RNF217: variants seen among roughly 807,000 people sequenced by gnomAD.
The protein encoded by RNF217 is E3 ubiquitin-protein ligase RNF217.
Under a neutral mutation model 57.8 loss-of-function variants are expected in RNF217, and 31 were observed. The ratio of observed to expected loss-of-function variants is 0.54; its 90% CI spans 0.40 to 0.72. The LOEUF (loss-of-function observed/expected upper bound fraction) is 0.72, where lower values mean the gene tolerates loss of function less well. Among genes scored for constraint, RNF217 ranks in the 30% least tolerant of loss-of-function variants. The pLI, the probability that RNF217 is intolerant of heterozygous loss-of-function variation, is 0.00. For missense variants in RNF217, 696 were observed against 708.3 expected, an observed-to-expected ratio of 0.98 and a Z score of 0.20; for synonymous variants, 313 against 294.0, an observed-to-expected ratio of 1.06 and a Z score of -0.66.
At chr6:124,972,899 T>C (rs1487809295) in intron 1 of RNF217, among the ~76,000 whole-genome samples, 1 of 152,324 alleles carries the variant, frequency 6.6e-6, no homozygotes, top group South Asian at 2.1e-4. Context: ...ATTTAAATTG[T>C]CTGTTTCCTG....
chr6:125,086,585 G>T lies in RNF217; in HGVS notation c.*3648G>T, dbSNP rs780900629. 8 of 152,042 alleles carry T rather than the reference G, an allele frequency of 5.3e-5. No homozygotes were observed. Among genetic ancestry groups the T allele is most frequent in the Non-Finnish European group, 1.2e-4 (8 of 67,976 alleles). The allele number at this position is 152,042 out of a possible 1,614,324, so 9.4% of individuals were successfully genotyped here. Reference sequence around the variant, plus strand: ...TTCCCAGAAAAATACATTAGATTATGTACGATTTAGTGATTTGGTGGGATA... The same window carrying T: ...TTCCCAGAAAAATACATTAGATTATTTACGATTTAGTGATTTGGTGGGATA... On this transcript the variant is annotated 3_prime_UTR_variant, in exon 6 of 6. Coordinates refer to ENST00000521654, the MANE Select transcript of RNF217 (RefSeq NM_001286398.3).
chr6:124,977,059 G>A (rs1464697243), intron 1 of RNF217, among the ~76,000 whole-genome samples: 1 of 152,052 alleles, frequency 6.6e-6, no homozygotes, highest in Non-Finnish European at 1.5e-5. Flanking sequence ...AAAATCACTA[G>A]TATATCTACA....
intron 5 of RNF217, chr6:125,082,438 G>A (rs1295292210): frequency 4.4e-6 from 7 of 1,597,262 alleles, no homozygotes; most frequent in Non-Finnish European, 5.1e-6. Context: ...ATTATTATCT[G>A]TATTATACAG....
intron 1 of RNF217, among the ~76,000 whole-genome samples, chr6:125,011,255 T>C (rs748571143): frequency 6.6e-6 from 1 of 152,172 alleles, no homozygotes; most frequent in Non-Finnish European, 1.5e-5. Context: ...TTACATGTAA[T>C]TGGCTCTCAC....
chr6:125,062,001 T>C (rs952261744), intron 3 of RNF217, among the ~76,000 whole-genome samples: 19 of 152,060 alleles, frequency 1.2e-4, no homozygotes, highest in African/African-American at 4.6e-4. Flanking sequence ...CCCTCATCAA[T>C]TGATTTGTAA....
intron 3 of RNF217, 80 bp from the exon 4 acceptor site, chr6:125,076,577 T>G (rs1788381921): frequency 2.3e-6 from 2 of 858,204 alleles, no homozygotes; most frequent in African/African-American, 3.3e-5. Flanking sequence ...CTGGTAAGTG[T>G]TGTTTCATAA....
At chr6:125,058,160 A>G (rs755703493) in intron 3 of RNF217, 54 bp downstream of exon 3, 188 of 1,460,520 alleles carry the variant, frequency 1.3e-4, no homozygotes, top group Non-Finnish European at 1.7e-4. Context: ...GATGTGACTG[A>G]ACAATATTTA....
chr6:124,999,865 A>G (rs1438864809), intron 1 of RNF217, among the ~76,000 whole-genome samples: 1 of 152,158 alleles, frequency 6.6e-6, no homozygotes, highest in Non-Finnish European at 1.5e-5. Context: ...CAGCTATTAA[A>G]CTATTAAATA....
At chr6:125,048,405 A>T (rs1787177249) in intron 2 of RNF217, 1 of 547,276 alleles carries the variant, frequency 1.8e-6, no homozygotes, top group South Asian at 1.9e-5. Flanking sequence ...GAGGCAACAG[A>T]AATAGAAAAA....
chr6:124,987,846 A>G (rs1784414651), intron 1 of RNF217, among the ~76,000 whole-genome samples: 1 of 152,302 alleles, frequency 6.6e-6, no homozygotes, highest in South Asian at 2.1e-4. Flanking sequence ...TAGTTGTTAC[A>G]ATGATTTTAC....
At chr6:125,067,797 T>A (rs193255750) in intron 3 of RNF217, among the ~76,000 whole-genome samples, 41 of 152,196 alleles carry the variant, frequency 2.7e-4, no homozygotes, top group Non-Finnish European at 2.9e-5. Flanking sequence ...TTTGTTGGAA[T>A]AAAGTTGAAA....
chr6:125,079,012 T>C (rs1283721905), intron 4 of RNF217, among the ~76,000 whole-genome samples: 1 of 152,162 alleles, frequency 6.6e-6, no homozygotes, highest in Admixed American at 6.5e-5. Flanking sequence ...GTGACACAAC[T>C]TGCTCCCTCA....
intron 1 of RNF217, among the ~76,000 whole-genome samples, chr6:124,995,719 C>T (rs1360979383): frequency 3.3e-5 from 5 of 151,936 alleles, no homozygotes; most frequent in Non-Finnish European, 5.9e-5. Context: ...GTCAGGAGTT[C>T]GAGACCAGCC....
At chr6:125,007,197 G>T (rs1785217557) in intron 1 of RNF217, among the ~76,000 whole-genome samples, 1 of 151,224 alleles carries the variant, frequency 6.6e-6, no homozygotes, top group South Asian at 2.1e-4. Context: ...ATTTTTTCAT[G>T]CAGCCTTCTT....
intron 1 of RNF217, among the ~76,000 whole-genome samples, chr6:125,038,747 T>C (rs1429388999): frequency 1.3e-5 from 2 of 152,172 alleles, no homozygotes; most frequent in African/African-American, 4.8e-5. Context: ...TTAATTCACT[T>C]TATACTATGG....
In RNF217 at chr6:125,019,835, G is replaced by C. The variant is rs562996360; in HGVS notation, c.883-25376G>C. Among the ~76,000 whole-genome samples the C allele has an allele frequency of 2.7e-4, 41 of 150,500 alleles. 2 individuals are homozygous for C. Among genetic ancestry groups the C allele is most frequent in the African/African-American group, 5.4e-4 (22 of 40,898 alleles). Reference sequence around the variant, plus strand: ...GCTTGATGTCCCCTTTTTTGCAGTGGGGGGGGAGTGAAAAAATCCTTTATT... The same window carrying C: ...GCTTGATGTCCCCTTTTTTGCAGTGCGGGGGGAGTGAAAAAATCCTTTATT... On this transcript the variant is annotated intron_variant, in intron 1 of 5. Transcript: ENST00000521654.
At chr6:125,051,938 C>A (rs1787334937) in intron 2 of RNF217, among the ~76,000 whole-genome samples, 1 of 152,022 alleles carries the variant, frequency 6.6e-6, no homozygotes, top group Admixed American at 6.6e-5. Context: ...AAGAAATAGA[C>A]CCAGACAAAT....
Position 125,062,488 on chromosome 6 carries a change from T to C in RNF217, c.1281+4382T>C, listed in dbSNP as rs541042666. ...ACATATCTAGAATTAATTTATAGAATATTTTTATGAAAACATAACCCACCA... is the reference window on the plus strand; with the variant it reads ...ACATATCTAGAATTAATTTATAGAACATTTTTATGAAAACATAACCCACCA... On this transcript the variant is annotated intron_variant, in intron 3 of 5. Coordinates refer to ENST00000521654, the MANE Select transcript of RNF217 (RefSeq NM_001286398.3). Among the ~76,000 whole-genome samples the C allele has an allele frequency of 3.9e-5, 6 of 152,294 alleles. No homozygotes were observed. In the East Asian group the frequency reaches 1.2e-3, roughly 29 times the overall value.
chr6:125,017,056 T>TCTTTGCTTCTTTTCC (rs1182539513), intron 1 of RNF217, among the ~76,000 whole-genome samples: 1 of 152,220 alleles, frequency 6.6e-6, no homozygotes, highest in Non-Finnish European at 1.5e-5. Context: ...GCACCTTTTC[T>TCTTTGCTTCTTTTCC]CTTTGCTTCT....
Sources: allele counts gnomAD v4.1 joint callset (sites outside exome capture counted in the v4.1 genomes callset), GRCh38; gene constraint gnomAD v4.1.1; transcripts MANE v1.5; gene names NCBI Gene and HGNC (gene_info 2026-07-23, HGNC 2026-07-21).